ZNF536: variants seen among roughly 807,000 people sequenced by gnomAD.
ZNF536 encodes the protein zinc finger protein 536.
In ZNF536, 13 loss-of-function variants were observed where a neutral mutation model predicts 84.5. The observed-to-expected ratio is 0.15, with a 90% CI of 0.10 to 0.24. ZNF536 has a LOEUF of 0.24. Ranked by LOEUF, ZNF536 falls within the 10% of genes least tolerant of loss-of-function variation. The probability of loss-of-function intolerance (pLI) is 1.00; values close to 1 mark genes in which losing one functional copy is unlikely to be tolerated. For synonymous variants in ZNF536, 811 were observed against 742.5 expected, an observed-to-expected ratio of 1.09 and a Z score of -1.50; for missense variants, 1,536 against 1,747.5, an observed-to-expected ratio of 0.88 and a Z score of 2.16.
At chr19:30,298,432 A>G (rs1042410166) in intron 2 of ZNF536, among the ~76,000 whole-genome samples, 1 of 152,210 alleles carries the variant, frequency 6.6e-6, no homozygotes. Context: ...ATGTGCAACC[A>G]AGAACAGGTC....
intron 2 of ZNF536, among the ~76,000 whole-genome samples, chr19:30,507,286 G>A (rs949926875): frequency 1.3e-5 from 2 of 151,974 alleles, no homozygotes; most frequent in East Asian, 1.9e-4. Context: ...GGATGGCAGA[G>A]GTTGCAGTGA....
intron 4 of ZNF536, chr19:30,555,042 G>A (rs1024686207): frequency 1.3e-5 from 2 of 152,274 alleles, no homozygotes; most frequent in African/African-American, 4.8e-5. Context: ...TTTCTGGGAA[G>A]CCACACCTCT....
intron 1 of ZNF536, among the ~76,000 whole-genome samples, chr19:30,664,999 T>G (rs1250412912): frequency 6.6e-6 from 1 of 152,188 alleles, no homozygotes; most frequent in Non-Finnish European, 1.5e-5. Context: ...AGGAAACACT[T>G]CAGGCCTGGA....
chr19:30,594,590 G>C (rs1028875391), intron 1 of ZNF536, among the ~76,000 whole-genome samples: 1 of 152,168 alleles, frequency 6.6e-6, no homozygotes, highest in African/African-American at 2.4e-5. Flanking sequence ...GCCTTGACCA[G>C]ATCATTAGGC....
At chr19:30,552,569 G>A (rs2045822040) in intron 4 of ZNF536, among the ~76,000 whole-genome samples, 1 of 152,202 alleles carries the variant, frequency 6.6e-6, no homozygotes. Context: ...TATTCTGTGG[G>A]TGATACTCAT....
At chr19:30,353,124 C>T (rs987138806) in intron 3 of ZNF536, among the ~76,000 whole-genome samples, 4 of 152,112 alleles carry the variant, frequency 2.6e-5, no homozygotes, top group Non-Finnish European at 4.4e-5. Context: ...CAAGGCCAGT[C>T]GATAAAAGCC....
chr19:30,633,552 G>C (rs1026253897), intron 1 of ZNF536, among the ~76,000 whole-genome samples: 1 of 151,986 alleles, frequency 6.6e-6, no homozygotes, highest in Non-Finnish European at 1.5e-5. Flanking sequence ...TTCAACTTCT[G>C]GTAACCACCA....
chr19:30,608,073 C>T (rs545223909), intron 1 of ZNF536, among the ~76,000 whole-genome samples: 9 of 152,088 alleles, frequency 5.9e-5, no homozygotes, highest in East Asian at 5.8e-4. Flanking sequence ...ATATCTTTTG[C>T]GTATTTGTGC....
intron 3 of ZNF536, among the ~76,000 whole-genome samples, chr19:30,547,627 T>A (rs753966945): frequency 1.4e-4 from 21 of 152,234 alleles, no homozygotes; most frequent in Non-Finnish European, 2.8e-4. Flanking sequence ...CTTTTAATGA[T>A]CACTGTGGCT....
intron 1 of ZNF536, among the ~76,000 whole-genome samples, chr19:30,578,928 G>T (rs1027062247): frequency 6.6e-6 from 1 of 152,208 alleles, no homozygotes; most frequent in African/African-American, 2.4e-5. Flanking sequence ...AATTGAGTTT[G>T]TGGCCCAGTT....
rs551127739 is a variant in ZNF536 at position 30,677,597 on chromosome 19, A to G, written c.170-33160A>G. 2.3e-4 allele frequency among the ~76,000 whole-genome samples: 35 copies of G among 152,388 alleles called. 1 individual carries two copies. In the South Asian group the frequency reaches 7.2e-3, roughly 32 times the overall value. ...CGGGGACACAGGAAAAGCTGGCGGC[A>G]GGCTGACCTCTTGGGTCCTGTCTAG... On this transcript the variant is annotated intron_variant, in intron 1 of 1. Transcript: ENST00000592773.
At chr19:30,458,180 T>C (rs1448685977) in intron 2 of ZNF536, among the ~76,000 whole-genome samples, 1 of 152,214 alleles carries the variant, frequency 6.6e-6, no homozygotes, top group Admixed American at 6.5e-5. Context: ...GTCATCCTGC[T>C]GGACTATTTG....
At chr19:30,496,777 C>T (rs776205074) in intron 2 of ZNF536, among the ~76,000 whole-genome samples, 9 of 150,530 alleles carry the variant, frequency 6.0e-5, no homozygotes, top group Non-Finnish European at 8.9e-5. Flanking sequence ...GGGTTGGCCT[C>T]GAGTAGATGC....
intron 1 of ZNF536, among the ~76,000 whole-genome samples, chr19:30,619,605 G>A (rs1004769137): frequency 3.9e-5 from 6 of 152,200 alleles, no homozygotes; most frequent in African/African-American, 1.4e-4. Flanking sequence ...GGCAGGAATA[G>A]CAAAGCCCAG....
intron 2 of ZNF536, among the ~76,000 whole-genome samples, chr19:30,332,975 G>A (rs1028334986): frequency 3.9e-5 from 6 of 152,194 alleles, no homozygotes; most frequent in African/African-American, 9.6e-5. Flanking sequence ...CCAGCTACTC[G>A]GGAGGCTGAG....
At chr19:30,266,011 C>A (rs2025492913) in intron 1 of ZNF536, among the ~76,000 whole-genome samples, 1 of 152,124 alleles carries the variant, frequency 6.6e-6, no homozygotes, top group African/African-American at 2.4e-5. Context: ...CTGCTTCAGC[C>A]TCCCAAGGAG....
chr19:30,589,323 C>A (rs1041703881), intron 1 of ZNF536, among the ~76,000 whole-genome samples: 3 of 152,164 alleles, frequency 2.0e-5, no homozygotes, highest in Non-Finnish European at 2.9e-5. Context: ...CTCTTACAGG[C>A]CATGAAAGGC....
intron 2 of ZNF536, among the ~76,000 whole-genome samples, chr19:30,463,352 G>C (rs2053242765): frequency 6.6e-6 from 1 of 152,100 alleles, no homozygotes; most frequent in Non-Finnish European, 1.5e-5. Flanking sequence ...GGAAGATCTG[G>C]CTTTTGGGGT....
chr19:30,470,470 G>GTT (rs34028638), intron 2 of ZNF536, among the ~76,000 whole-genome samples: 7 of 143,160 alleles, frequency 4.9e-5, no homozygotes, highest in African/African-American at 1.0e-4. Context: ...ATTACATTTA[G>GTT]TTTTTTTTTT....
Sources: gnomAD v4.1 joint callset for allele counts (sites outside exome capture counted in the v4.1 genomes callset) on GRCh38, gnomAD v4.1.1 for gene constraint, MANE v1.5 for transcripts, NCBI Gene and HGNC (gene_info 2026-07-23, HGNC 2026-07-21) for gene names.